FOXJ3: variants seen among roughly 807,000 people sequenced by gnomAD.
FOXJ3 encodes forkhead box protein J3.
FOXJ3 carries 22 observed loss-of-function variants against 76.1 expected under a neutral mutation model. The observed-to-expected ratio is 0.29, with a 90% confidence interval of 0.21 to 0.41. FOXJ3 has a LOEUF of 0.41. Ranked by LOEUF, FOXJ3 falls within the 10% of genes least tolerant of loss-of-function variation. FOXJ3 has a pLI of 1.00. For synonymous variants in FOXJ3, 269 were observed against 261.2 expected (o/e 1.03, Z -0.29); for missense variants, 613 against 762.1 (o/e 0.80, Z 2.30).
At chr1:42,205,436 G>A (rs539686324) in intron 6 of FOXJ3, among the ~76,000 whole-genome samples, 15 of 152,024 alleles carry the variant, frequency 9.9e-5, no homozygotes, top group African/African-American at 3.6e-4. Flanking sequence ...CACATATCTG[G>A]AGAGGTAATT....
chr1:42,205,662 A>T (rs1646846898), intron 6 of FOXJ3, 100 bp downstream of exon 6: 18 of 721,094 alleles, frequency 2.5e-5, no homozygotes, highest in Middle Eastern at 3.7e-4. Flanking sequence ...AATTTATATA[A>T]TCTTTAAACT....
intron 3 of FOXJ3, among the ~76,000 whole-genome samples, chr1:42,274,722 A>G (rs1210345075): frequency 6.6e-6 from 1 of 152,198 alleles, no homozygotes; most frequent in Admixed American, 6.5e-5. Flanking sequence ...CTAAGTACAG[A>G]AACAAAAACT....
chr1:42,214,405 C>T (rs868552856), intron 5 of FOXJ3, among the ~76,000 whole-genome samples: 2 of 152,078 alleles, frequency 1.3e-5, no homozygotes, highest in Admixed American at 1.3e-4. Context: ...AGCCATCAAC[C>T]GAAATTCTGG....
intron 3 of FOXJ3, among the ~76,000 whole-genome samples, chr1:42,273,071 T>C (rs983342832): frequency 6.6e-6 from 1 of 152,188 alleles, no homozygotes; most frequent in Admixed American, 6.5e-5. Context: ...ATACTCCCCA[T>C]AAACTCATTA....
At chr1:42,305,533 G>A (rs141625904) in intron 2 of FOXJ3, among the ~76,000 whole-genome samples, 2 of 152,216 alleles carry the variant, frequency 1.3e-5, no homozygotes, top group African/African-American at 4.8e-5. Flanking sequence ...GATAAAATGT[G>A]GTACATATAT....
intron 8 of FOXJ3, among the ~76,000 whole-genome samples, chr1:42,191,941 A>G (rs1365384881): frequency 6.6e-6 from 1 of 152,194 alleles, no homozygotes; most frequent in African/African-American, 2.4e-5. Context: ...GATTATGACC[A>G]ACAATTTAAG....
chr1:42,281,066 C>A (rs1652674046), intron 2 of FOXJ3, among the ~76,000 whole-genome samples: 1 of 152,148 alleles, frequency 6.6e-6, no homozygotes, highest in African/African-American at 2.4e-5. Flanking sequence ...TGAGAACCAT[C>A]TTTGCCTTCT....
chr1:42,204,713 C>G lies in FOXJ3; in HGVS notation c.630+1049G>C, dbSNP rs141457774. The stretch of plus-strand genomic sequence containing the variant: ...CACCACTACCACCACCCCCCACCCC[C>G]CAACTGCCCCATAAACCCTCTCTCT... On this transcript the variant is annotated intron_variant, in intron 6 of 12. Coordinates refer to ENST00000361346, the MANE Select transcript of FOXJ3 (RefSeq NM_014947.5). Among the ~76,000 whole-genome samples the G allele has an allele frequency of 7.2e-3, 1,089 of 152,006 alleles. 4 individuals carry two copies. The highest frequency in any genetic ancestry group is 0.012 in the Non-Finnish European group (842 of 67,976).
At chr1:42,187,241 C>A (rs1318317485) in intron 11 of FOXJ3, among the ~76,000 whole-genome samples, 5 of 152,258 alleles carry the variant, frequency 3.3e-5, no homozygotes, top group Non-Finnish European at 7.3e-5. Flanking sequence ...TACCCCCAAA[C>A]ACACAAGACT....
Position 42,324,319 on chromosome 1 carries a change from C to T in FOXJ3, c.-18+10740G>A, listed in dbSNP as rs192614684. Among the ~76,000 whole-genome samples the T allele has an allele frequency of 4.3e-4, 58 of 134,082 alleles. 1 individual carries two copies. Among genetic ancestry groups the T allele is most frequent in the African/African-American group, 1.3e-3 (41 of 32,278 alleles). The allele number at this position is 134,082 out of a possible 152,430, so 88.0% of individuals were successfully genotyped here. ...ATTATATATATACACTATATATACACGAGATATATAACATATACACTATAT... is the reference window on the plus strand; with the variant it reads ...ATTATATATATACACTATATATACATGAGATATATAACATATACACTATAT... On this transcript the variant is annotated intron_variant, in intron 1 of 12. Transcript: ENST00000361346.
At chr1:42,198,719 T>G (rs1366410544) in intron 7 of FOXJ3, among the ~76,000 whole-genome samples, 1 of 152,194 alleles carries the variant, frequency 6.6e-6, no homozygotes. Flanking sequence ...CAGAATTCCC[T>G]TCTCAGATCT....
At chr1:42,229,452 T>C (rs1647879134) in intron 4 of FOXJ3, among the ~76,000 whole-genome samples, 1 of 152,104 alleles carries the variant, frequency 6.6e-6, no homozygotes, top group African/African-American at 2.4e-5. Context: ...ACCAAGAATA[T>C]CAGTGTACAG....
intron 2 of FOXJ3, among the ~76,000 whole-genome samples, chr1:42,297,970 T>C (rs1653893685): frequency 6.6e-6 from 1 of 152,176 alleles, no homozygotes; most frequent in Non-Finnish European, 1.5e-5. Flanking sequence ...TTTGGCTGTG[T>C]CCCTACCCAA....
At chr1:42,268,388 T>C (rs1651629113) in intron 3 of FOXJ3, among the ~76,000 whole-genome samples, 1 of 151,814 alleles carries the variant, frequency 6.6e-6, no homozygotes, top group Non-Finnish European at 1.5e-5. Flanking sequence ...AAACAAAAGC[T>C]GAAAAAATTC....
intron 6 of FOXJ3, among the ~76,000 whole-genome samples, chr1:42,202,812 A>G (rs561485636): frequency 1.3e-5 from 2 of 152,316 alleles, no homozygotes; most frequent in East Asian, 3.9e-4. Flanking sequence ...CTGGTATTAA[A>G]GGGGTGAGCC....
At chr1:42,291,519 C>G (rs1205113694) in intron 2 of FOXJ3, among the ~76,000 whole-genome samples, 1 of 152,138 alleles carries the variant, frequency 6.6e-6, no homozygotes, top group Non-Finnish European at 1.5e-5. Context: ...AGGGCTTAAC[C>G]CTACAAATTA....
intron 4 of FOXJ3, among the ~76,000 whole-genome samples, chr1:42,231,758 C>T (rs186907874): frequency 1.1e-3 from 164 of 152,228 alleles, no homozygotes; most frequent in Middle Eastern, 0.01. Flanking sequence ...TCCCGAGCCC[C>T]ACAAGTAGCT....
chr1:42,217,728 T>C (rs1452035764), intron 5 of FOXJ3, among the ~76,000 whole-genome samples: 2 of 152,186 alleles, frequency 1.3e-5, no homozygotes, highest in Non-Finnish European at 2.9e-5. Flanking sequence ...TCCAGATCAC[T>C]GCTTACCTGG....
intron 4 of FOXJ3, among the ~76,000 whole-genome samples, chr1:42,242,695 A>G (rs1649244987): frequency 6.6e-6 from 1 of 152,154 alleles, no homozygotes; most frequent in Admixed American, 6.5e-5. Context: ...TATGTGACAT[A>G]TGGGACACCA....
Sources: gnomAD v4.1 joint callset for allele counts (sites outside exome capture counted in the v4.1 genomes callset) on GRCh38, gnomAD v4.1.1 for gene constraint, MANE v1.5 for transcripts, NCBI Gene and HGNC (gene_info 2026-07-23, HGNC 2026-07-21) for gene names.